The following PSEN1 variants were observed in gnomAD, a reference collection of about 807,000 sequenced individuals.
PSEN1 encodes the protein presenilin-1.
A neutral mutation model predicts 53.5 loss-of-function variants in PSEN1; 15 were observed. That is an observed-to-expected ratio of 0.28 (90% CI 0.19 to 0.43). The LOEUF (loss-of-function observed/expected upper bound fraction) is 0.43, where lower values mean the gene tolerates loss of function less well. Ranked by LOEUF, PSEN1 falls within the 20% of genes least tolerant of loss-of-function variation. The probability of loss-of-function intolerance (pLI) is 1.00; values close to 1 mark genes in which losing one functional copy is unlikely to be tolerated. For missense variants in PSEN1, 387 were observed against 571.2 expected, an observed-to-expected ratio of 0.68 and a Z score of 3.29; for synonymous variants, 208 against 209.8, an observed-to-expected ratio of 0.99 and a Z score of 0.08.
At chr14:73,170,701 T>TCA (rs1485276352) in intron 3 of PSEN1, 96 bp from the exon 4 acceptor site, 1 of 1,318,554 alleles carries the variant, frequency 7.6e-7, no homozygotes, top group Non-Finnish European at 1.1e-6. Context: ...TTTTTAGAAC[T>TCA]CATAGTGACG....
At chr14:73,175,327 G>C (rs1201122116) in intron 5 of PSEN1, among the ~76,000 whole-genome samples, 1 of 151,798 alleles carries the variant, frequency 6.6e-6, no homozygotes, top group African/African-American at 2.4e-5. Context: ...GGGTTTTACC[G>C]TGTTGGCCAG....
At chr14:73,163,749 G>A (rs1450822529) in intron 3 of PSEN1, among the ~76,000 whole-genome samples, 2 of 152,132 alleles carry the variant, frequency 1.3e-5, no homozygotes, top group Non-Finnish European at 1.5e-5. Flanking sequence ...AGCCCTGAGC[G>A]GGGAACTAGA....
At chr14:73,177,220 T>C (rs1898071024) in intron 5 of PSEN1, among the ~76,000 whole-genome samples, 1 of 152,234 alleles carries the variant, frequency 6.6e-6, no homozygotes, top group East Asian at 1.9e-4. Flanking sequence ...CATCCTTAAA[T>C]ATAACTTTTA....
intron 10 of PSEN1, among the ~76,000 whole-genome samples, chr14:73,212,515 G>A (rs1173765663): frequency 2.0e-5 from 3 of 152,136 alleles, no homozygotes; most frequent in South Asian, 2.1e-4. Context: ...CTTCATGGCC[G>A]TAATACATTT....
At chr14:73,192,153 A>G (rs1898743767) in intron 6 of PSEN1, among the ~76,000 whole-genome samples, 1 of 152,100 alleles carries the variant, frequency 6.6e-6, no homozygotes, top group African/African-American at 2.4e-5. Flanking sequence ...AAGTGAATTA[A>G]TTGGCCAGGC....
At chr14:73,149,946 A>G (rs919445702) in intron 3 of PSEN1, among the ~76,000 whole-genome samples, 1 of 152,230 alleles carries the variant, frequency 6.6e-6, no homozygotes, top group Non-Finnish European at 1.5e-5. Flanking sequence ...TAGCCTGGAA[A>G]ATAGTTTTCC....
At chr14:73,179,951 T>A (rs1898158952) in intron 5 of PSEN1, among the ~76,000 whole-genome samples, 2 of 152,140 alleles carry the variant, frequency 1.3e-5, no homozygotes, top group Non-Finnish European at 2.9e-5. Flanking sequence ...ATATTTTTTG[T>A]CGCATTTGTA....
intron 5 of PSEN1, among the ~76,000 whole-genome samples, chr14:73,174,815 C>T (rs1897998495): frequency 2.0e-5 from 3 of 152,056 alleles, no homozygotes; most frequent in Non-Finnish European, 1.5e-5. Context: ...GGAAGTCGGG[C>T]GCTGGGAGGT....
intron 10 of PSEN1, among the ~76,000 whole-genome samples, chr14:73,213,676 A>G (rs1242861217): frequency 6.6e-6 from 1 of 152,220 alleles, no homozygotes; most frequent in Non-Finnish European, 1.5e-5. Context: ...TTAACATTTA[A>G]TTAGAAAACT....
chr14:73,196,278 G>T (rs998300233), intron 7 of PSEN1, among the ~76,000 whole-genome samples: 3 of 151,976 alleles, frequency 2.0e-5, no homozygotes, highest in Non-Finnish European at 2.9e-5. Context: ...AATCAAACAA[G>T]TTGAAAATCT....
intron 3 of PSEN1, among the ~76,000 whole-genome samples, chr14:73,164,960 T>G (rs985170784): frequency 6.6e-6 from 1 of 152,176 alleles, no homozygotes; most frequent in Admixed American, 6.5e-5. Context: ...ATTGTACTTT[T>G]TTTTGTTTTT....
chr14:73,147,528 C>T (rs944373311), intron 1 of PSEN1: 21 of 183,248 alleles, frequency 1.1e-4, no homozygotes, highest in Non-Finnish European at 2.4e-4. Context: ...ATGTTGAGAA[C>T]ATTCCTTAAG....
intron 3 of PSEN1, among the ~76,000 whole-genome samples, chr14:73,148,922 A>T (rs980558721): frequency 1.3e-5 from 2 of 152,088 alleles, no homozygotes; most frequent in Non-Finnish European, 1.5e-5. Flanking sequence ...GACGAGCGAA[A>T]CTCCATCTCA....
chr14:73,179,187 A>G (rs1322984236), intron 5 of PSEN1, among the ~76,000 whole-genome samples: 1 of 152,162 alleles, frequency 6.6e-6, no homozygotes, highest in African/African-American at 2.4e-5. Context: ...AGCAAGGGCT[A>G]TTTGCCCCAC....
chr14:73,184,910 C>T (rs1176529276), intron 5 of PSEN1, among the ~76,000 whole-genome samples: 10 of 149,834 alleles, frequency 6.7e-5, no homozygotes, highest in African/African-American at 2.5e-4. Flanking sequence ...GGCAGAGATG[C>T]TCCTCACCTC....
At chr14:73,157,773 G>C (rs1022985826) in intron 3 of PSEN1, among the ~76,000 whole-genome samples, 2 of 152,104 alleles carry the variant, frequency 1.3e-5, no homozygotes, top group Non-Finnish European at 2.9e-5. Flanking sequence ...GGGAGGTCGA[G>C]GTGGGCGATG....
chr14:73,137,314 TA>T, intron 1 of PSEN1: 1 of 152,422 alleles, frequency 6.6e-6, no homozygotes, highest in East Asian at 1.9e-4. Flanking sequence ...GATCAGGGAA[TA>T]AAGTGTGAAG....
At chr14:73,217,282 A>G in intron 11 of PSEN1, 38 bp downstream of exon 11, 1 of 1,611,352 alleles carries the variant, frequency 6.2e-7, no homozygotes, top group Non-Finnish European at 8.5e-7. Context: ...AGAGCTCTTA[A>G]TGTCAAAACT....
intron 9 of PSEN1, chr14:73,208,868 C>A (rs1378017878): frequency 2.2e-6 from 1 of 455,250 alleles, no homozygotes; most frequent in Admixed American, 2.4e-5. Context: ...GTCTATAGCT[C>A]CCATGGCACC....
Sources: allele counts gnomAD v4.1 joint callset (sites outside exome capture counted in the v4.1 genomes callset), GRCh38; gene constraint gnomAD v4.1.1; transcripts MANE v1.5; gene names NCBI Gene and HGNC (gene_info 2026-07-23, HGNC 2026-07-21).